DNAH9: variants seen among roughly 807,000 people sequenced by gnomAD.
DNAH9 encodes DNAH9 variant protein.
In DNAH9, 345 loss-of-function variants were observed where a neutral mutation model predicts 471.6. The ratio of observed to expected loss-of-function variants is 0.73; its 90% CI spans 0.67 to 0.80. The LOEUF (loss-of-function observed/expected upper bound fraction) is 0.80, where lower values mean the gene tolerates loss of function less well. DNAH9 is among the 30% of genes least tolerant of loss of function. The pLI is 0.00. For missense variants in DNAH9, 5,407 were observed against 5,609.2 expected, an observed-to-expected ratio of 0.96 and a Z score of 1.15; for synonymous variants, 2,093 against 2,123.6, an observed-to-expected ratio of 0.99 and a Z score of 0.40.
intron 22 of DNAH9, 124 bp downstream of exon 22, chr17:11,694,571 G>T: frequency 1.0e-6 from 1 of 960,234 alleles, no homozygotes; most frequent in African/African-American, 1.7e-5. Flanking sequence ...ACCTGTCTGT[G>T]TTGCCCCCAG....
chr17:11,914,879 A>G (rs1973891334), intron 61 of DNAH9, among the ~76,000 whole-genome samples: 2 of 151,998 alleles, frequency 1.3e-5, no homozygotes, highest in Admixed American at 6.6e-5. Context: ...AGTCACTAAA[A>G]CTTTTGAGCT....
chr17:11,759,834 G>A (rs1017369684), intron 35 of DNAH9, among the ~76,000 whole-genome samples: 8 of 151,870 alleles, frequency 5.3e-5, no homozygotes, highest in Admixed American at 2.0e-4. Flanking sequence ...CTACAGGCAC[G>A]TGCCACCATG....
rs545949377 is a variant in DNAH9, at chr17:11,888,200, G to A, written c.11112+1235G>A. On this transcript the variant is annotated intron_variant, in intron 57 of 68. Transcript: ENST00000262442. Reference sequence around the variant, plus strand: ...GGGGTTTCACTGTGTTAGCCAGGATGGTCTCGATCTCCGGACTTCGTGATC... The same window carrying A: ...GGGGTTTCACTGTGTTAGCCAGGATAGTCTCGATCTCCGGACTTCGTGATC... 4.6e-5 allele frequency among the ~76,000 whole-genome samples: 7 copies of A among 152,012 alleles called. No individual in the cohort carries two copies. The South Asian group carries it at 6.2e-4, about 14-fold the overall frequency.
chr17:11,608,460 T>A, intron 2 of DNAH9, 135 bp downstream of exon 2: 1 of 717,420 alleles, frequency 1.4e-6, no homozygotes, highest in Non-Finnish European at 2.3e-6. Flanking sequence ...CTGTCTGCTC[T>A]GTTTGCCGAC....
At chr17:11,602,029 T>G (rs190498742) in intron 1 of DNAH9, among the ~76,000 whole-genome samples, 2 of 152,218 alleles carry the variant, frequency 1.3e-5, no homozygotes, top group African/African-American at 4.8e-5. Flanking sequence ...TTTAGTAACT[T>G]GTTCTCCTAC....
At chr17:11,848,623 C>T (rs1011178773) in intron 49 of DNAH9, among the ~76,000 whole-genome samples, 4 of 151,874 alleles carry the variant, frequency 2.6e-5, no homozygotes, top group Non-Finnish European at 4.4e-5. Context: ...TGTTTTTACC[C>T]TTTGACCCGG....
At chr17:11,866,057 T>C (rs1972042072) in intron 50 of DNAH9, among the ~76,000 whole-genome samples, 1 of 152,230 alleles carries the variant, frequency 6.6e-6, no homozygotes, top group Admixed American at 6.5e-5. Flanking sequence ...CTATTGCTGG[T>C]GAGGAACTGT....
chr17:11,913,781 CAA>C (rs202156734), intron 61 of DNAH9, among the ~76,000 whole-genome samples: 9 of 110,376 alleles, frequency 8.2e-5, no homozygotes, highest in African/African-American at 9.9e-5. Flanking sequence ...GACCCCGTCT[CAA>C]AAAAAAAAAA....
chr17:11,820,141 A>G (rs1970257127), intron 45 of DNAH9, among the ~76,000 whole-genome samples: 1 of 152,130 alleles, frequency 6.6e-6, no homozygotes, highest in South Asian at 2.1e-4. Context: ...GTCTTTAGAA[A>G]CCTTATGCAT....
At position 11,768,536 on chromosome 17, in the gene DNAH9, T is replaced by G. The variant is rs1458143107; in HGVS notation, c.7254T>G (p.Phe2418Leu). The G allele has an allele frequency of 6.2e-7, 1 of 1,614,044 alleles. No individual in the cohort carries two copies. Among genetic ancestry groups the G allele is most frequent in the Non-Finnish European group, 8.5e-7 (1 of 1,180,032 alleles). The change falls in exon 37 of 69, where the codon TTT becomes TTG. Residue 2418 changes from phenylalanine to leucine, a missense_variant. Transcript: ENST00000262442. ...AGTTTCCTTCCCAAGGAACCATCTT[T>G]GACTATTACATCGACCCAGAGACCA... Reference protein sequence around the residue: ...TVKFPSQGTIFDYYIDPETKK... With the variant: ...TVKFPSQGTILDYYIDPETKK...
intron 26 of DNAH9, among the ~76,000 whole-genome samples, chr17:11,706,760 C>T (rs1375506130): frequency 6.6e-6 from 1 of 152,124 alleles, no homozygotes; most frequent in African/African-American, 2.4e-5. Context: ...GGATATACAG[C>T]ATTCATTAAT....
intron 22 of DNAH9, among the ~76,000 whole-genome samples, chr17:11,695,988 T>C (rs2150764255): frequency 6.6e-6 from 1 of 152,342 alleles, no homozygotes; most frequent in South Asian, 2.1e-4. Context: ...TGTATGACAC[T>C]GATAGGATTC....
intron 66 of DNAH9, among the ~76,000 whole-genome samples, chr17:11,940,259 T>C (rs2151044476): frequency 6.6e-6 from 1 of 152,354 alleles, no homozygotes; most frequent in East Asian, 1.9e-4. Context: ...CATACGTCTG[T>C]GGACCTGGGT....
intron 38 of DNAH9, 133 bp from the exon 39 acceptor site, chr17:11,780,876 T>C (rs1968641408): frequency 1.1e-6 from 1 of 880,248 alleles, no homozygotes; most frequent in Non-Finnish European, 1.7e-6. Flanking sequence ...GCTGTTATTA[T>C]TGTTGTCTTT....
Position 11,757,540 on chromosome 17 carries a change from C to A in DNAH9, c.6848-5C>A. 6.2e-7 allele frequency: 1 copy of A among 1,611,230 alleles called. No individual in the cohort carries two copies. Among genetic ancestry groups the A allele is most frequent in the East Asian group, 2.2e-5 (1 of 44,878 alleles). On this transcript the variant is annotated splice_polypyrimidine_tract_variant and splice_region_variant and intron_variant, in intron 34 of 68. Coordinates refer to ENST00000262442, the MANE Select transcript of DNAH9 (RefSeq NM_001372.4). ...TTCACTAAACTGTATTCTCTGTGCTCACAGGGATCTTGTACATCAACCCGG... is the reference window on the plus strand; with the variant it reads ...TTCACTAAACTGTATTCTCTGTGCTAACAGGGATCTTGTACATCAACCCGG...
rs1976258416 is a variant in DNAH9, at chr17:11,962,181, A to G, written c.13158A>G (p.Glu4386=). 1.2e-6 allele frequency: 2 copies of G among 1,614,086 alleles called. No individual in the cohort carries two copies. Among genetic ancestry groups the G allele is most frequent in the Non-Finnish European group, 1.7e-6 (2 of 1,180,040 alleles). The change falls in exon 68 of 69, where the codon GAA becomes GAG. Residue 4386 remains glutamate (E), a synonymous_variant. Coordinates refer to ENST00000262442, the MANE Select transcript of DNAH9 (RefSeq NM_001372.4). This position sits in a 1 kb window ranked among gnomAD's most constrained non-coding sequence, Gnocchi z 4.1. ...LQCDMTKKNR[E]EFRSPPREGA... ...GTGACATGACGAAGAAGAACAGAGA[A>G]GAGTTTAGGAGTCCTCCTCGGGAAG...
intron 17 of DNAH9, among the ~76,000 whole-genome samples, chr17:11,675,550 C>T (rs2074035700): frequency 6.6e-6 from 1 of 152,110 alleles, no homozygotes; most frequent in African/African-American, 2.4e-5. Context: ...CATTTCACTG[C>T]TGAGTATAAT....
intron 53 of DNAH9, among the ~76,000 whole-genome samples, chr17:11,875,461 C>T (rs1241457670): frequency 6.6e-6 from 1 of 152,158 alleles, no homozygotes; most frequent in Non-Finnish European, 1.5e-5. Context: ...TCTCATTGTC[C>T]CTTAAACATT....
intron 67 of DNAH9, among the ~76,000 whole-genome samples, chr17:11,959,479 G>A (rs1323175230): frequency 3.3e-5 from 5 of 152,176 alleles, no homozygotes; most frequent in African/African-American, 7.2e-5. Flanking sequence ...GAGGAAGACC[G>A]TATTGTCTCA....
Sources: gnomAD v4.1 joint callset for allele counts (sites outside exome capture counted in the v4.1 genomes callset) on GRCh38, gnomAD v4.1.1 for gene constraint, Gnocchi (gnomAD v3.1) non-coding constraint, MANE v1.5 for transcripts, NCBI Gene and HGNC (gene_info 2026-07-23, HGNC 2026-07-21) for gene names.